The following SHLD2 variants were observed in gnomAD, a reference collection of about 807,000 sequenced individuals.
The protein encoded by SHLD2 is shieldin complex subunit 2.
A neutral mutation model predicts 73.2 loss-of-function variants in SHLD2; 30 were observed. The observed-to-expected ratio is 0.41, with a 90% CI of 0.31 to 0.56. The LOEUF (loss-of-function observed/expected upper bound fraction) is 0.56. Among genes scored for constraint, SHLD2 ranks in the 20% least tolerant of loss-of-function variants. SHLD2 has a pLI of 0.28. For synonymous variants in SHLD2, 285 were observed against 370.1 expected, an observed-to-expected ratio of 0.77 and a Z score of 2.64; for missense variants, 745 against 1,055.9, an observed-to-expected ratio of 0.71 and a Z score of 4.08.
intron 2 of SHLD2, among the ~76,000 whole-genome samples, chr10:87,131,622 T>C (rs947907349): frequency 6.6e-6 from 1 of 152,154 alleles, no homozygotes; most frequent in African/African-American, 2.4e-5. Flanking sequence ...TTGATGAACT[T>C]TTGGGTTGTT....
intron 2 of SHLD2, among the ~76,000 whole-genome samples, chr10:87,131,848 C>CCCAAAAT (rs1349227382): frequency 6.6e-6 from 1 of 152,140 alleles, no homozygotes; most frequent in African/African-American, 2.4e-5. Context: ...ACACAAGTGT[C>CCCAAAAT]CCAATTTCTC....
chr10:87,127,656 T>C (rs1304470218), intron 2 of SHLD2, among the ~76,000 whole-genome samples: 3 of 150,932 alleles, frequency 2.0e-5, no homozygotes, highest in African/African-American at 7.3e-5. Flanking sequence ...TTCAAGATCA[T>C]TGTGACAGTG....
chr10:87,110,209 A>G (rs1402695814), intron 2 of SHLD2, among the ~76,000 whole-genome samples: 1 of 152,186 alleles, frequency 6.6e-6, no homozygotes, highest in African/African-American at 2.4e-5. Context: ...GGATCGCATG[A>G]GCCCAGGAGG....
chr10:87,150,061 A>ATT (rs569408745), intron 2 of SHLD2, among the ~76,000 whole-genome samples: 17,782 of 114,870 alleles, frequency 0.15, 1,558 homozygotes, highest in African/African-American at 0.19. Context: ...AAAATGAGTA[A>ATT]TTTTTTTTTT....
At chr10:87,113,005 T>C (rs1330531225) in intron 2 of SHLD2, among the ~76,000 whole-genome samples, 1 of 152,070 alleles carries the variant, frequency 6.6e-6, no homozygotes, top group Admixed American at 6.6e-5. Context: ...ACAACCTAAA[T>C]GTAGATCAGC....
At chr10:87,187,557 C>T (rs561565166) in intron 9 of SHLD2, among the ~76,000 whole-genome samples, 1 of 152,242 alleles carries the variant, frequency 6.6e-6, no homozygotes, top group African/African-American at 2.4e-5. Context: ...GATCTTCAAC[C>T]GTGATGTCTT....
chr10:87,141,647 G>A (rs1049126599), intron 2 of SHLD2, among the ~76,000 whole-genome samples: 6 of 152,150 alleles, frequency 3.9e-5, no homozygotes, highest in South Asian at 2.1e-4. Flanking sequence ...AGGGGCTTTT[G>A]AATGTTCTTT....
intron 8 of SHLD2, among the ~76,000 whole-genome samples, chr10:87,186,048 T>C (rs1279884933): frequency 1.3e-5 from 2 of 152,116 alleles, no homozygotes; most frequent in Non-Finnish European, 2.9e-5. Flanking sequence ...GTTCCTTGAG[T>C]GACGGAACCA....
intron 2 of SHLD2, among the ~76,000 whole-genome samples, chr10:87,099,536 G>A (rs1395146658): frequency 6.6e-6 from 1 of 152,182 alleles, no homozygotes; most frequent in Non-Finnish European, 1.5e-5. Context: ...TTGTATGACT[G>A]TACCACATTT....
chr10:87,146,541 A>G (rs576972752), intron 2 of SHLD2, among the ~76,000 whole-genome samples: 1 of 151,102 alleles, frequency 6.6e-6, no homozygotes, highest in South Asian at 2.1e-4. Flanking sequence ...TGATCTGCCC[A>G]CCTTGGCCTC....
intron 2 of SHLD2, among the ~76,000 whole-genome samples, chr10:87,104,108 G>C (rs1467958363): frequency 6.7e-6 from 1 of 149,694 alleles, no homozygotes; most frequent in Non-Finnish European, 1.5e-5. Flanking sequence ...TGGCGGGCAG[G>C]TGCTTGTAAT....
intron 2 of SHLD2, among the ~76,000 whole-genome samples, chr10:87,136,927 C>T (rs1346655601): frequency 6.6e-6 from 1 of 152,216 alleles, no homozygotes; most frequent in Non-Finnish European, 1.5e-5. Flanking sequence ...ATTACAGCTG[C>T]ATCATAGCCC....
chr10:87,112,422 T>C (rs1310426063), intron 2 of SHLD2, among the ~76,000 whole-genome samples: 3 of 152,214 alleles, frequency 2.0e-5, no homozygotes, highest in Non-Finnish European at 4.4e-5. Context: ...CCCAGCACTT[T>C]GAGAGACTAA....
intron 2 of SHLD2, among the ~76,000 whole-genome samples, chr10:87,113,771 C>A (rs374639268): frequency 6.6e-6 from 1 of 152,024 alleles, no homozygotes; most frequent in Non-Finnish European, 1.5e-5. Flanking sequence ...TTTGGGAGGC[C>A]GAGGCGAGTG....
At chr10:87,129,644 A>G (rs1046158319) in intron 2 of SHLD2, among the ~76,000 whole-genome samples, 6 of 151,318 alleles carry the variant, frequency 4.0e-5, no homozygotes, top group African/African-American at 1.5e-4. Context: ...ATTTTTTTTC[A>G]TGGATGGAGT....
chr10:87,138,638 T>A (rs554953601), intron 2 of SHLD2, among the ~76,000 whole-genome samples: 84 of 152,324 alleles, frequency 5.5e-4, no homozygotes, highest in African/African-American at 1.8e-3. Flanking sequence ...GAAAGGAGAC[T>A]GTAGTAACTT....
At chr10:87,122,808 C>T (rs534698848) in intron 2 of SHLD2, among the ~76,000 whole-genome samples, 9 of 152,340 alleles carry the variant, frequency 5.9e-5, no homozygotes, top group East Asian at 3.9e-4. Flanking sequence ...GACGGAGTCT[C>T]GCTCTGTCGC....
rs764645765 is a variant in SHLD2, at chr10:87,182,028, AAAGT to A, written c.2399+1726_2399+1729del. Among the ~76,000 whole-genome samples the A allele has an allele frequency of 2.6e-5, 4 of 152,306 alleles. No individual in the cohort carries two copies. In the East Asian group the frequency reaches 7.7e-4, roughly 29 times the overall value. On this transcript the variant is annotated intron_variant, in intron 8 of 9. Coordinates refer to ENST00000298786, the MANE Select transcript of SHLD2 (RefSeq NM_001330112.2). ...GGTGATCCACCCGTCTCAGCCTCCC[AAAGT>A]GCTGGAATTACAGGTGTGAGCCACC... is the stretch of plus-strand genomic sequence containing the variant.
chr10:87,104,753 C>T (rs1394746112), intron 2 of SHLD2, among the ~76,000 whole-genome samples: 7 of 151,616 alleles, frequency 4.6e-5, no homozygotes, highest in Non-Finnish European at 7.4e-5. Context: ...CTCCACTTCC[C>T]GGGTTCAAGT....
Sources: allele counts gnomAD v4.1 joint callset (sites outside exome capture counted in the v4.1 genomes callset), GRCh38; gene constraint gnomAD v4.1.1; transcripts MANE v1.5; gene names NCBI Gene and HGNC (gene_info 2026-07-23, HGNC 2026-07-21).